Variants in CNTN4 observed in about 807,000 individuals in gnomAD.
CNTN4 encodes contactin-4.
CNTN4 carries 77 observed loss-of-function variants against 122.5 expected under a neutral mutation model. The ratio of observed to expected loss-of-function variants is 0.63; its 90% CI spans 0.52 to 0.76. The LOEUF (loss-of-function observed/expected upper bound fraction) is 0.76. CNTN4 is among the 30% of genes least tolerant of loss of function. CNTN4 has a pLI of 0.00. For synonymous variants in CNTN4, 512 were observed against 447.0 expected (o/e 1.15, Z -1.83); for missense variants, 1,256 against 1,259.1 (o/e 1.00, Z 0.04).
intron 18 of CNTN4, among the ~76,000 whole-genome samples, chr3:3,038,412 C>T (rs1699815740): frequency 6.6e-6 from 1 of 152,160 alleles, no homozygotes. Context: ...AGCCATTCGC[C>T]CACCCCAGCT....
chr3:2,212,008 CTAT>C (rs2038643357), intron 2 of CNTN4, among the ~76,000 whole-genome samples: 1 of 152,148 alleles, frequency 6.6e-6, no homozygotes, highest in African/African-American at 2.4e-5. Context: ...GGGTCTTGCT[CTAT>C]TGCCCAGACG....
chr3:2,733,085 T>G lies in CNTN4; in HGVS notation c.56-3130T>G, dbSNP rs142953474. 1.3e-3 allele frequency among the ~76,000 whole-genome samples: 197 copies of G among 152,340 alleles called. 7 individuals carry two copies. In the East Asian group the frequency reaches 0.035, roughly 27 times the overall value. ...ATTGCATGGCTACATTGAGAAACAGTACAGATGTTAATCCACAGTCTCTCA... is the reference window on the plus strand; with the variant it reads ...ATTGCATGGCTACATTGAGAAACAGGACAGATGTTAATCCACAGTCTCTCA... On this transcript the variant is annotated intron_variant, in intron 4 of 24. Coordinates refer to ENST00000418658, the MANE Select transcript of CNTN4 (RefSeq NM_175607.3).
At chr3:2,601,295 G>A (rs1306994064) in intron 4 of CNTN4, among the ~76,000 whole-genome samples, 1 of 152,142 alleles carries the variant, frequency 6.6e-6, no homozygotes, top group Non-Finnish European at 1.5e-5. Flanking sequence ...GTTCTGAATG[G>A]TATTGCCTAG....
chr3:2,585,593 AAAACC>A (rs2080157238), intron 4 of CNTN4, among the ~76,000 whole-genome samples: 2 of 151,540 alleles, frequency 1.3e-5, no homozygotes, highest in Admixed American at 6.6e-5. Flanking sequence ...GCATGGACAA[AAAACC>A]AAACACTGCA....
chr3:2,822,162 A>C (rs545955512), intron 7 of CNTN4, among the ~76,000 whole-genome samples: 1 of 152,346 alleles, frequency 6.6e-6, no homozygotes, highest in African/African-American at 2.4e-5. Flanking sequence ...TGTGTTTGGA[A>C]AATGGGATTA....
At chr3:2,301,806 T>C (rs1230133972) in intron 2 of CNTN4, among the ~76,000 whole-genome samples, 2 of 152,250 alleles carry the variant, frequency 1.3e-5, no homozygotes, top group Non-Finnish European at 2.9e-5. Flanking sequence ...GTATTCAGAC[T>C]GGCTTCCCCT....
At position 2,858,161 on chromosome 3, in the gene CNTN4, A is replaced by C. The variant is rs75020435; in HGVS notation, c.455-8591A>C. Among the ~76,000 whole-genome samples, 406 of 152,324 alleles carry C rather than the reference A, an allele frequency of 2.7e-3. 2 individuals are homozygous for C. The highest frequency in any genetic ancestry group is 9.5e-3 in the African/African-American group (395 of 41,558). Reference sequence around the variant, plus strand: ...ATGGAATGAGAGCCTAATGTATCCAAACCTTTTAAAACAGTGTTTCTCAGA... The same window carrying C: ...ATGGAATGAGAGCCTAATGTATCCACACCTTTTAAAACAGTGTTTCTCAGA... On this transcript the variant is annotated intron_variant, in intron 7 of 24. Coordinates refer to ENST00000418658, the MANE Select transcript of CNTN4 (RefSeq NM_175607.3).
intron 3 of CNTN4, among the ~76,000 whole-genome samples, chr3:2,548,776 A>G (rs1315676079): frequency 1.3e-5 from 2 of 152,088 alleles, no homozygotes; most frequent in African/African-American, 2.4e-5. Context: ...CAGTATGGCC[A>G]TTTTCATGAT....
intron 3 of CNTN4, among the ~76,000 whole-genome samples, chr3:2,484,565 AG>A (rs965242783): frequency 3.3e-5 from 5 of 152,224 alleles, no homozygotes; most frequent in African/African-American, 1.2e-4. Flanking sequence ...CTTGTAAACC[AG>A]GGTGACTTCA....
intron 3 of CNTN4, among the ~76,000 whole-genome samples, chr3:2,359,684 C>T (rs71309890): frequency 1.6e-4 from 25 of 152,086 alleles, no homozygotes; most frequent in African/African-American, 5.5e-4. Context: ...GGACTACAGG[C>T]GCCCACCACC....
At chr3:2,449,418 C>A (rs1442402070) in intron 3 of CNTN4, among the ~76,000 whole-genome samples, 1 of 151,950 alleles carries the variant, frequency 6.6e-6, no homozygotes, top group Non-Finnish European at 1.5e-5. Flanking sequence ...AGTTCGATAC[C>A]AGCCTGGCCA....
chr3:2,789,860 A>C (rs1033917532), intron 6 of CNTN4, among the ~76,000 whole-genome samples: 2 of 152,210 alleles, frequency 1.3e-5, no homozygotes, highest in Admixed American at 6.5e-5. Flanking sequence ...TTAAGGGTAA[A>C]GTTTTCCATT....
intron 2 of CNTN4, among the ~76,000 whole-genome samples, chr3:2,329,781 A>G (rs963844697): frequency 4.6e-5 from 7 of 152,316 alleles, no homozygotes; most frequent in African/African-American, 1.7e-4. Flanking sequence ...AGGAAAAATT[A>G]AAAGCACTTA....
At chr3:2,520,259 CTTTTTTTTT>C (rs397988483) in intron 3 of CNTN4, among the ~76,000 whole-genome samples, 797 of 74,414 alleles carry the variant, frequency 0.011, 10 homozygotes, top group African/African-American at 0.051. Context: ...TGATTGCTTC[CTTTTTTTTT>C]TTTTTTTTTT....
intron 2 of CNTN4, among the ~76,000 whole-genome samples, chr3:2,275,722 C>G (rs142513729): frequency 0.021 from 3,175 of 151,850 alleles, 58 homozygotes; most frequent in Non-Finnish European, 0.033. Context: ...GCATTTGAGA[C>G]CAGCCTGGCC....
At chr3:2,498,572 C>T (rs1026441691) in intron 3 of CNTN4, among the ~76,000 whole-genome samples, 2 of 152,130 alleles carry the variant, frequency 1.3e-5, no homozygotes, top group Admixed American at 1.3e-4. Flanking sequence ...CCTTGGCCTC[C>T]CAGGCTCAAA....
chr3:2,982,048 A>G (rs1052795764), intron 13 of CNTN4, among the ~76,000 whole-genome samples: 3 of 152,200 alleles, frequency 2.0e-5, no homozygotes, highest in Admixed American at 1.3e-4. Context: ...AAAAAACAAA[A>G]AAATCACATA....
rs970306060 is a variant in CNTN4 at position 2,253,581 on chromosome 3, C to G, written c.-144-85597C>G. Among the ~76,000 whole-genome samples the G allele has an allele frequency of 3.1e-4, 47 of 152,104 alleles. 1 individual carries two copies. The highest frequency in any genetic ancestry group is 1.1e-3 in the African/African-American group (47 of 41,516). On this transcript the variant is annotated intron_variant, in intron 2 of 24. Transcript: ENST00000418658. ...AACAGAATATAAGTTCCTGCTACTACTACTACTAATCTCATCTTTATTGGA... is the reference window on the plus strand; with the variant it reads ...AACAGAATATAAGTTCCTGCTACTAGTACTACTAATCTCATCTTTATTGGA...
chr3:2,274,499 G>T (rs1559402278), intron 2 of CNTN4, among the ~76,000 whole-genome samples: 1 of 142,666 alleles, frequency 7.0e-6, no homozygotes, highest in African/African-American at 2.5e-5. Flanking sequence ...CAAAACTAAA[G>T]AAACACTGTT....
Sources: gnomAD v4.1 joint callset for allele counts (sites outside exome capture counted in the v4.1 genomes callset) on GRCh38, gnomAD v4.1.1 for gene constraint, MANE v1.5 for transcripts, NCBI Gene and HGNC (gene_info 2026-07-23, HGNC 2026-07-21) for gene names.